The following EXOC4 variants were observed in gnomAD, a reference collection of about 807,000 sequenced individuals.
EXOC4 encodes SEC8-like 1.
EXOC4 carries 71 observed loss-of-function variants against 107.2 expected under a neutral mutation model. The ratio of observed to expected loss-of-function variants is 0.66; its 90% confidence interval spans 0.55 to 0.81. The LOEUF (loss-of-function observed/expected upper bound fraction) is 0.81, where lower values mean the gene tolerates loss of function less well. Ranked by LOEUF, EXOC4 falls within the 30% of genes least tolerant of loss-of-function variation. EXOC4 has a pLI of 0.00. For synonymous variants in EXOC4, 456 were observed against 441.2 expected (o/e 1.03, Z -0.42); for missense variants, 1,108 against 1,189.6 (o/e 0.93, Z 1.01).
At chr7:133,576,760 A>G (rs904566353) in intron 9 of EXOC4, 1 of 1,289,570 alleles carries the variant, frequency 7.8e-7, no homozygotes, top group Non-Finnish European at 1.0e-6. Flanking sequence ...ACTATTGGAG[A>G]GGTAACTGTG....
At chr7:133,401,651 TAAAAAA>T in intron 7 of EXOC4, among the ~76,000 whole-genome samples, 1 of 141,234 alleles carries the variant, frequency 7.1e-6, no homozygotes, top group Non-Finnish European at 1.5e-5. Context: ...GACCCTGTCT[TAAAAAA>T]AAAAAAAGAA....
intron 11 of EXOC4, among the ~76,000 whole-genome samples, chr7:133,837,044 T>G (rs1797932430): frequency 6.6e-6 from 1 of 152,188 alleles, no homozygotes; most frequent in Admixed American, 6.5e-5. Context: ...AAGCATAATT[T>G]GAAATCTGAC....
chr7:133,457,066 G>A (rs1176041349), intron 7 of EXOC4, among the ~76,000 whole-genome samples: 3 of 152,104 alleles, frequency 2.0e-5, no homozygotes, highest in Admixed American at 1.3e-4. Flanking sequence ...AATGCTCGTC[G>A]AATGAACAGA....
chr7:133,283,265 G>A (rs1170601978), intron 2 of EXOC4, among the ~76,000 whole-genome samples: 1 of 152,070 alleles, frequency 6.6e-6, no homozygotes, highest in Non-Finnish European at 1.5e-5. Context: ...TGTGGAGATG[G>A]GTTTTCACCA....
intron 9 of EXOC4, among the ~76,000 whole-genome samples, chr7:133,485,078 T>A (rs1799242301): frequency 2.4e-4 from 2 of 8,296 alleles, no homozygotes; most frequent in Non-Finnish European, 5.1e-4. Context: ...AGACTCCGTC[T>A]CAAAAAATAA....
chr7:133,678,109 G>A (rs1266629298), intron 10 of EXOC4, among the ~76,000 whole-genome samples: 2 of 152,116 alleles, frequency 1.3e-5, no homozygotes, highest in African/African-American at 4.8e-5. Flanking sequence ...ATAACCTAAA[G>A]TATCTAAATT....
At chr7:134,032,907 A>G (rs568670932) in intron 17 of EXOC4, among the ~76,000 whole-genome samples, 131 of 152,276 alleles carry the variant, frequency 8.6e-4, no homozygotes, top group African/African-American at 2.9e-3. Flanking sequence ...TCAATTAGCT[A>G]TAATATTTTT....
At chr7:133,397,419 C>G (rs1796995890) in intron 7 of EXOC4, among the ~76,000 whole-genome samples, 1 of 151,982 alleles carries the variant, frequency 6.6e-6, no homozygotes, top group Non-Finnish European at 1.5e-5. Flanking sequence ...CAGGTGTGAG[C>G]CACTGCGCCC....
At chr7:133,697,097 G>A (rs1794551588) in intron 10 of EXOC4, among the ~76,000 whole-genome samples, 1 of 152,166 alleles carries the variant, frequency 6.6e-6, no homozygotes, top group Non-Finnish European at 1.5e-5. Context: ...TATAGGGTAA[G>A]GCTTGGGACC....
In EXOC4 at chr7:133,953,441, GA is replaced by G. The variant is rs60746450; in HGVS notation, c.2206+15382del. ...AGGGAGACCTCATCTCTACAAAAAA[GA>G]AAAAAAAAATTAATTAGCCAGGTGT... On this transcript the variant is annotated intron_variant, in intron 14 of 17. Transcript: ENST00000253861. 4.8e-3 allele frequency among the ~76,000 whole-genome samples: 712 copies of G among 147,338 alleles called. 3 individuals are homozygous for G. Among genetic ancestry groups the G allele is most frequent in the Middle Eastern group, 0.017 (5 of 292 alleles).
intron 10 of EXOC4, among the ~76,000 whole-genome samples, chr7:133,710,982 G>A (rs966529452): frequency 6.6e-6 from 1 of 151,662 alleles, no homozygotes; most frequent in Non-Finnish European, 1.5e-5. Context: ...TTTGAGCACA[G>A]TATTGGTAAA....
chr7:134,037,594 C>T (rs1323885628), intron 17 of EXOC4, among the ~76,000 whole-genome samples: 1 of 152,160 alleles, frequency 6.6e-6, no homozygotes, highest in African/African-American at 2.4e-5. Context: ...AGCAATGTTC[C>T]TGTAGCTTTG....
intron 7 of EXOC4, among the ~76,000 whole-genome samples, chr7:133,384,786 C>A (rs1584873223): frequency 6.9e-6 from 1 of 145,476 alleles, no homozygotes; most frequent in African/African-American, 2.5e-5. Context: ...TGTCTGAATC[C>A]TTGAGTATAG....
intron 9 of EXOC4, among the ~76,000 whole-genome samples, chr7:133,578,497 T>G (rs1801181916): frequency 1.3e-5 from 2 of 152,202 alleles, no homozygotes; most frequent in South Asian, 4.1e-4. Context: ...TTGAATATAA[T>G]AACATGATTT....
chr7:133,998,269 CT>C (rs1794442387), intron 15 of EXOC4, among the ~76,000 whole-genome samples: 1 of 152,172 alleles, frequency 6.6e-6, no homozygotes, highest in East Asian at 1.9e-4. Flanking sequence ...ACATTTTGTA[CT>C]TACAGCACAT....
chr7:133,858,995 A>G (rs2116327989), intron 11 of EXOC4, among the ~76,000 whole-genome samples: 1 of 151,208 alleles, frequency 6.6e-6, no homozygotes, highest in East Asian at 2.0e-4. Context: ...TGGGTATTTG[A>G]CTCTTCTCCC....
At chr7:133,559,991 C>A (rs574802103) in intron 9 of EXOC4, among the ~76,000 whole-genome samples, 1 of 152,304 alleles carries the variant, frequency 6.6e-6, no homozygotes, top group East Asian at 1.9e-4. Flanking sequence ...ACATATATCT[C>A]ATTCTGGACT....
intron 7 of EXOC4, among the ~76,000 whole-genome samples, chr7:133,464,806 GGTTGGTTTT>G (rs1563075878): frequency 5.9e-4 from 16 of 27,144 alleles, no homozygotes; most frequent in Admixed American, 1.4e-3. Context: ...TTGTTGGTTG[GGTTGGTTTT>G]TTTTTTTTTT....
At chr7:133,662,923 C>G (rs569431866) in intron 10 of EXOC4, among the ~76,000 whole-genome samples, 2 of 152,112 alleles carry the variant, frequency 1.3e-5, no homozygotes, top group Non-Finnish European at 2.9e-5. Flanking sequence ...AGACCTGCTT[C>G]GTTTTTATAA....
Sources: gnomAD v4.1 joint callset for allele counts (sites outside exome capture counted in the v4.1 genomes callset) on GRCh38, gnomAD v4.1.1 for gene constraint, MANE v1.5 for transcripts, NCBI Gene and HGNC (gene_info 2026-07-23, HGNC 2026-07-21) for gene names.